PNPLA5: variants seen among roughly 807,000 people sequenced by gnomAD.
The protein encoded by PNPLA5 is patatin like domain 5, triacylglycerol lipase, also known as patatin-like phospholipase domain-containing protein 5.
PNPLA5 carries 44 observed loss-of-function variants against 49.1 expected under a neutral mutation model. The observed-to-expected ratio is 0.90, with a 90% CI of 0.70 to 1.15. The LOEUF (loss-of-function observed/expected upper bound fraction) is 1.15. PNPLA5 is among the 50% of genes most tolerant of loss of function. The probability of loss-of-function intolerance (pLI) is 0.00; values close to 1 mark genes in which losing one functional copy is unlikely to be tolerated. For missense variants in PNPLA5, 603 were observed against 564.0 expected (o/e 1.07, Z -0.70); for synonymous variants, 243 against 244.4 (o/e 0.99, Z 0.06).
rs2049697849 is a variant in PNPLA5 at position 43,889,327 on chromosome 22, A to G, written c.702+2T>C. 6.2e-7 allele frequency: 1 copy of G among 1,612,098 alleles called. No individual in the cohort carries two copies. Among genetic ancestry groups the G allele is most frequent in the Non-Finnish European group, 8.5e-7 (1 of 1,179,208 alleles). On this transcript the variant is annotated splice_donor_variant, in intron 4 of 8. Coordinates refer to ENST00000216177, the MANE Select transcript of PNPLA5 (RefSeq NM_138814.4). LOFTEE classifies it high-confidence loss of function. Reference sequence around the variant, plus strand: ...CTAACACCATCACAGGGCCAGACCTACCTCGAGGCTGGGGGGTATGAGACA... The same window carrying G: ...CTAACACCATCACAGGGCCAGACCTGCCTCGAGGCTGGGGGGTATGAGACA...
chr22:43,881,887 T>A, intron 7 of PNPLA5: 1 of 480,566 alleles, frequency 2.1e-6, no homozygotes, highest in Non-Finnish European at 2.7e-6. Context: ...AAATGGACTT[T>A]GAACTTGGCA....
In PNPLA5 at chr22:43,881,617, C is replaced by T. The variant is rs745544623; in HGVS notation, c.1140G>A (p.Leu380=). ...AGAAAACCTCGAGGGCCATGTTCCT[C>T]AGCAGGCCCTGCATCCACCACAAGT... is the stretch of plus-strand genomic sequence containing the variant. ...PADLWWMQGL[L]RNMALEVFSR... The change falls in exon 8 of 9, where the codon CTG becomes CTA. Residue 380 remains leucine (L), a synonymous_variant. Coordinates refer to ENST00000216177, the MANE Select transcript of PNPLA5 (RefSeq NM_138814.4). The T allele has an allele frequency of 1.1e-5, 17 of 1,613,210 alleles. No individual in the cohort carries two copies. Among genetic ancestry groups the T allele is most frequent in the South Asian group, 9.9e-5 (9 of 90,894 alleles).
intron 2 of PNPLA5, chr22:43,890,126 G>A (rs932814204): frequency 1.2e-4 from 114 of 973,786 alleles, no homozygotes; most frequent in Middle Eastern, 5.2e-4. Context: ...GAAGCCAGCC[G>A]GGGACCCCAA....
At chr22:43,888,353 A>T (rs1440130444) in intron 4 of PNPLA5, among the ~76,000 whole-genome samples, 1 of 128,850 alleles carries the variant, frequency 7.8e-6, no homozygotes, top group Non-Finnish European at 1.6e-5. Context: ...AAGAGCCAGG[A>T]TGTGGATGGG....
Position 43,880,232 on chromosome 22 carries a change from C to A in PNPLA5, c.*563G>T, listed in dbSNP as rs2049593996. On this transcript the variant is annotated 3_prime_UTR_variant, in exon 9 of 9. Coordinates refer to ENST00000216177, the MANE Select transcript of PNPLA5 (RefSeq NM_138814.4). Reference sequence around the variant, plus strand: ...TGGGATCCTGAAAAGACCTGGACCCCCCTCTCCTCCTCCTCCTGCTTCCTG... The same window carrying A: ...TGGGATCCTGAAAAGACCTGGACCCACCTCTCCTCCTCCTCCTGCTTCCTG... 5.1e-6 allele frequency: 2 copies of A among 395,812 alleles called. No homozygotes were observed. The highest frequency in any genetic ancestry group is 8.9e-6 in the Non-Finnish European group (2 of 224,868). The allele number at this position is 395,812 out of a possible 1,614,324, so 24.5% of individuals were successfully genotyped here.
rs1221661669 is a variant in PNPLA5, at chr22:43,891,931, C to G, written c.-51G>C. ...GGGACGAGGAAGGGTCACTCCGTGA[C>G]CCGGGATAGGGCCGGGATGCAGCCT... On this transcript the variant is annotated 5_prime_UTR_variant, in exon 1 of 9. Coordinates refer to ENST00000216177, the MANE Select transcript of PNPLA5 (RefSeq NM_138814.4). 6 of 1,478,222 alleles carry G rather than the reference C, an allele frequency of 4.1e-6. No homozygotes were observed. In the South Asian group the frequency reaches 7.9e-5, roughly 19 times the overall value. The allele number at this position is 1,478,222 out of a possible 1,614,324, so 91.6% of individuals were successfully genotyped here.
Position 43,890,599 on chromosome 22 carries a change from G to A in PNPLA5, c.426+463C>T, listed in dbSNP as rs116065637. On this transcript the variant is annotated intron_variant, in intron 2 of 8. Transcript: ENST00000216177. ...TGGAGATGAGTTCATTATCGATACC[G>A]CCTGCCCCCCAGAACCACTGAGCAT... 6.9e-3 allele frequency among the ~76,000 whole-genome samples: 1,053 copies of A among 152,210 alleles called. 18 individuals are homozygous for A. Among genetic ancestry groups the A allele is most frequent in the African/African-American group, 0.024 (1,002 of 41,516 alleles).
intron 5 of PNPLA5, among the ~76,000 whole-genome samples, chr22:43,887,143 T>G (rs1291351243): frequency 6.6e-6 from 1 of 152,136 alleles, no homozygotes; most frequent in Admixed American, 6.5e-5. Flanking sequence ...CCTCTGTCCC[T>G]TCTCTCTTGT....
chr22:43,884,326 C>T lies in PNPLA5; in HGVS notation c.969G>A (p.Thr323=), dbSNP rs1398849179. ...AGCGGGCCCACCGGCTGGGATCCCT[C>T]GTACATGCTTTCTTCAGTGCTGCAA... The part of the protein sequence containing the change: ...ELEAALKKAC[T]RDPSRWARFW... Residue 323 remains threonine (T), a synonymous_variant, in exon 7 of 9, where the codon ACG becomes ACA. Transcript: ENST00000216177. 3 of 1,588,336 alleles carry T rather than the reference C, an allele frequency of 1.9e-6. No homozygotes were observed. Among genetic ancestry groups the T allele is most frequent in the East Asian group, 2.3e-5 (1 of 42,686 alleles).
Position 43,886,461 on chromosome 22 carries a change from G to A in PNPLA5, c.791C>T (p.Thr264Met), listed in dbSNP as rs749917334. Residue 264 changes from threonine to methionine, a missense_variant, in exon 6 of 9, where the codon ACG becomes ATG. By Grantham distance (81) the Thr-to-Met change is moderately conservative. Coordinates refer to ENST00000216177, the MANE Select transcript of PNPLA5 (RefSeq NM_138814.4). ...RGLTKEPVLW[T>M]LVSKEPPAPA... Reference sequence around the variant, plus strand: ...GGCTGGGGGTTCCTTAGACACCAGCGTCCATAGCACTGGTTCCTTGGTGAG... The same window carrying A: ...GGCTGGGGGTTCCTTAGACACCAGCATCCATAGCACTGGTTCCTTGGTGAG... 8.1e-6 allele frequency: 13 copies of A among 1,613,722 alleles called. 1 individual carries two copies. Among genetic ancestry groups the A allele is most frequent in the African/African-American group, 4.0e-5 (3 of 74,926 alleles).
intron 7 of PNPLA5, among the ~76,000 whole-genome samples, chr22:43,882,082 C>T (rs1297101796): frequency 6.6e-6 from 1 of 152,188 alleles, no homozygotes; most frequent in African/African-American, 2.4e-5. Flanking sequence ...ACCCATAGTT[C>T]CTAATGTCCT....
chr22:43,886,745 C>T (rs908243003), intron 5 of PNPLA5, among the ~76,000 whole-genome samples: 3 of 152,170 alleles, frequency 2.0e-5, no homozygotes, highest in Non-Finnish European at 4.4e-5. Context: ...GGCTCCACCA[C>T]CTGCAAGCTA....
intron 4 of PNPLA5, among the ~76,000 whole-genome samples, chr22:43,888,020 A>G (rs1470548433): frequency 6.6e-6 from 1 of 152,186 alleles, no homozygotes; most frequent in Non-Finnish European, 1.5e-5. Flanking sequence ...GGCCCCTTGT[A>G]GGGCAGTGGA....
intron 4 of PNPLA5, among the ~76,000 whole-genome samples, chr22:43,887,904 C>A (rs376874750): frequency 5.9e-5 from 9 of 152,234 alleles, no homozygotes; most frequent in East Asian, 1.9e-4. Flanking sequence ...GCATCTCCCC[C>A]CTGAGACACC....
chr22:43,891,027 C>T, intron 2 of PNPLA5, 35 bp downstream of exon 2: 4 of 1,585,592 alleles, frequency 2.5e-6, no homozygotes, highest in Non-Finnish European at 3.4e-6. Flanking sequence ...GGAGCCCGCC[C>T]ACCAGCCAAG....
intron 8 of PNPLA5, 49 bp downstream of exon 8, chr22:43,881,509 C>T: frequency 1.3e-6 from 2 of 1,507,614 alleles, no homozygotes; most frequent in Non-Finnish European, 1.8e-6. Flanking sequence ...TGGTGCGTTC[C>T]CCCCAGCACA....
rs112652358 is a variant in PNPLA5, at chr22:43,880,587, C to T, written c.*208G>A. On this transcript the variant is annotated 3_prime_UTR_variant, in exon 9 of 9. Coordinates refer to ENST00000216177, the MANE Select transcript of PNPLA5 (RefSeq NM_138814.4). ...GTCCTCCTTTCTCTCCCTGATGAGA[C>T]GGGGCAAGAGGGAGGGCAGGTGACC... is the stretch of plus-strand genomic sequence containing the variant. 3.3e-4 allele frequency: 136 copies of T among 417,824 alleles called. 2 individuals are homozygous for T. Among genetic ancestry groups the T allele is most frequent in the African/African-American group, 2.3e-3 (111 of 49,068 alleles). 25.9% of individuals were successfully genotyped at this position (417,824 alleles called of 1,614,324 possible).
intron 7 of PNPLA5, among the ~76,000 whole-genome samples, chr22:43,882,646 G>A (rs574543489): frequency 2.3e-4 from 35 of 152,354 alleles, no homozygotes; most frequent in East Asian, 1.5e-3. Context: ...CACACAATGA[G>A]TTTCTTTTTT....
chr22:43,882,341 G>A (rs2049618890), intron 7 of PNPLA5, among the ~76,000 whole-genome samples: 1 of 152,242 alleles, frequency 6.6e-6, no homozygotes, highest in South Asian at 2.1e-4. Context: ...TGTCTGCAGA[G>A]CCACAGCCCT....
Sources: allele counts gnomAD v4.1 joint callset (sites outside exome capture counted in the v4.1 genomes callset), GRCh38; gene constraint gnomAD v4.1.1; transcripts MANE v1.5; gene names NCBI Gene and HGNC (gene_info 2026-07-23, HGNC 2026-07-21).